The following GLDC variants were observed in gnomAD, a reference collection of about 807,000 sequenced individuals.
GLDC encodes glycine dehydrogenase (decarboxylating), mitochondrial.
In GLDC, 104 loss-of-function variants were observed where a neutral mutation model predicts 121.3. The ratio of observed to expected loss-of-function variants is 0.86; its 90% CI spans 0.73 to 1.01. The LOEUF is 1.01. GLDC is among the 50% of genes least tolerant of loss of function. The pLI, the probability that GLDC is intolerant of heterozygous loss-of-function variation, is 0.00. For synonymous variants in GLDC, 546 were observed against 480.6 expected (o/e 1.14, Z -1.78); for missense variants, 1,429 against 1,306.6 (o/e 1.09, Z -1.44).
intron 11 of GLDC, 57 bp downstream of exon 11, chr9:6,592,086 C>A (rs936469158): frequency 9.3e-7 from 1 of 1,074,640 alleles, no homozygotes; most frequent in Admixed American, 1.7e-5. Flanking sequence ...GGATAAGCTA[C>A]TTTTGCTACC....
At chr9:6,618,257 T>C (rs1819004864) in intron 3 of GLDC, among the ~76,000 whole-genome samples, 1 of 152,098 alleles carries the variant, frequency 6.6e-6, no homozygotes. Flanking sequence ...TCCAAAAAGA[T>C]GGGAAAAAAG....
chr9:6,584,931 A>G (rs1415815177), intron 15 of GLDC: 1 of 152,254 alleles, frequency 6.6e-6, no homozygotes, highest in Non-Finnish European at 1.5e-5. Context: ...TAGGACAAAG[A>G]AAGAACACCA....
In GLDC at chr9:6,613,005, T is replaced by G. The variant is rs997304232; in HGVS notation, c.471-2649A>C. Among the ~76,000 whole-genome samples, 14 of 152,180 alleles carry G rather than the reference T, an allele frequency of 9.2e-5. 1 individual carries two copies. Among genetic ancestry groups the G allele is most frequent in the African/African-American group, 3.4e-4 (14 of 41,444 alleles). On this transcript the variant is annotated intron_variant, in intron 3 of 24. Coordinates refer to ENST00000321612, the MANE Select transcript of GLDC (RefSeq NM_000170.3). ...CATAAAATACAAAACGTTCTCGTTTTTATAAGTTTGTAAAAACAAGTAGAT... is the reference window on the plus strand; with the variant it reads ...CATAAAATACAAAACGTTCTCGTTTGTATAAGTTTGTAAAAACAAGTAGAT...
chr9:6,630,864 C>A (rs116217696), intron 2 of GLDC, among the ~76,000 whole-genome samples: 1 of 152,176 alleles, frequency 6.6e-6, no homozygotes, highest in African/African-American at 2.4e-5. Flanking sequence ...TTCTCTCCCC[C>A]ATAGCCACCT....
intron 15 of GLDC, among the ~76,000 whole-genome samples, chr9:6,570,330 G>C (rs1319097343): frequency 1.3e-5 from 2 of 152,144 alleles, no homozygotes; most frequent in East Asian, 3.9e-4. Context: ...AAAAATTATA[G>C]TACCAAGAAA....
rs527288939 is a variant in GLDC, at chr9:6,630,545, T to G, written c.335-10226A>C. On this transcript the variant is annotated intron_variant, in intron 2 of 24. Coordinates refer to ENST00000321612, the MANE Select transcript of GLDC (RefSeq NM_000170.3). ...GGACTGAAAACCAACACACTCATAT[T>G]TGAATTTGCCCAATGTCACCAGTTT... Among the ~76,000 whole-genome samples the G allele has an allele frequency of 2.0e-5, 3 of 152,260 alleles. No individual in the cohort carries two copies. The South Asian group carries it at 6.2e-4, about 32-fold the overall frequency.
At chr9:6,573,501 TA>T (rs953869140) in intron 15 of GLDC, among the ~76,000 whole-genome samples, 3 of 150,184 alleles carry the variant, frequency 2.0e-5, no homozygotes, top group Admixed American at 6.7e-5. Context: ...TGTGATTTTT[TA>T]AAAAAAAATC....
chr9:6,613,963 G>T (rs192860360), intron 3 of GLDC, among the ~76,000 whole-genome samples: 3 of 152,108 alleles, frequency 2.0e-5, no homozygotes, highest in Non-Finnish European at 4.4e-5. Flanking sequence ...TTTTAGTTGA[G>T]ATAGGGTTTC....
intron 15 of GLDC, among the ~76,000 whole-genome samples, chr9:6,580,667 T>C (rs1243962967): frequency 6.6e-6 from 1 of 152,184 alleles, no homozygotes; most frequent in Non-Finnish European, 1.5e-5. Flanking sequence ...GGTTTTGCAA[T>C]AAATAAAGCC....
At chr9:6,637,511 G>A (rs141083030) in intron 2 of GLDC, among the ~76,000 whole-genome samples, 2,434 of 151,638 alleles carry the variant, frequency 0.016, 102 homozygotes, top group Admixed American at 0.068. Context: ...GTGCAGTGGC[G>A]CAATCACAGC....
At chr9:6,550,502 G>T (rs982814145) in intron 21 of GLDC, among the ~76,000 whole-genome samples, 1 of 151,986 alleles carries the variant, frequency 6.6e-6, no homozygotes, top group Non-Finnish European at 1.5e-5. Flanking sequence ...TGGTGCACAC[G>T]TGTAGTCCCA....
rs188725530 is a variant in GLDC at position 6,631,188 on chromosome 9, G to C, written c.335-10869C>G. Among the ~76,000 whole-genome samples, 5 of 152,314 alleles carry C rather than the reference G, an allele frequency of 3.3e-5. No individual in the cohort carries two copies. The East Asian group carries it at 9.6e-4, about 29-fold the overall frequency. Reference sequence around the variant, plus strand: ...AGGCTCTTCCCTGTCTTCTTGCTCAGCCAATTAATACCACGCCTCATTCAG... The same window carrying C: ...AGGCTCTTCCCTGTCTTCTTGCTCACCCAATTAATACCACGCCTCATTCAG... On this transcript the variant is annotated intron_variant, in intron 2 of 24. Transcript: ENST00000321612.
chr9:6,644,511 C>G (rs1259423400), intron 2 of GLDC, 103 bp downstream of exon 2: 1 of 791,366 alleles, frequency 1.3e-6, no homozygotes, highest in East Asian at 2.5e-5. Context: ...CACACATTCC[C>G]AGTCCTGAGC....
intron 5 of GLDC, among the ~76,000 whole-genome samples, chr9:6,606,309 C>CAAAAAAAAA (rs56758871): frequency 2.2e-5 from 2 of 90,052 alleles, no homozygotes; most frequent in Non-Finnish European, 4.7e-5. Flanking sequence ...GACTCCGTCT[C>CAAAAAAAAA]AAAAAAAAAA....
chr9:6,575,584 A>G (rs1818049724), intron 15 of GLDC, among the ~76,000 whole-genome samples: 1 of 152,184 alleles, frequency 6.6e-6, no homozygotes, highest in African/African-American at 2.4e-5. Context: ...ACCACAATTT[A>G]AGAATCTTCC....
intron 16 of GLDC, among the ~76,000 whole-genome samples, chr9:6,563,818 C>T (rs1416577811): frequency 3.9e-5 from 6 of 152,102 alleles, no homozygotes; most frequent in Admixed American, 2.0e-4. Context: ...TCACGAATGG[C>T]CTGTTTTTCA....
At chr9:6,537,030 AT>A (rs200094760) in intron 22 of GLDC, among the ~76,000 whole-genome samples, 30,405 of 139,706 alleles carry the variant, frequency 0.22, 3,126 homozygotes, top group Admixed American at 0.28. Context: ...TCTGTAAAGC[AT>A]TTTTTTTTTT....
chr9:6,556,409 C>T (rs1286909619), intron 17 of GLDC, 107 bp from the exon 18 acceptor site: 3 of 909,156 alleles, frequency 3.3e-6, no homozygotes, highest in Non-Finnish European at 5.5e-6. Flanking sequence ...AAGTCTCAGT[C>T]TTTACTTTCC....
intron 2 of GLDC, among the ~76,000 whole-genome samples, chr9:6,627,067 G>A (rs988774280): frequency 4.6e-5 from 7 of 151,962 alleles, no homozygotes; most frequent in African/African-American, 9.7e-5. Flanking sequence ...AGGCTGAGGC[G>A]GGTGGATCAC....
Sources: allele counts gnomAD v4.1 joint callset (sites outside exome capture counted in the v4.1 genomes callset), GRCh38; gene constraint gnomAD v4.1.1; transcripts MANE v1.5; gene names NCBI Gene and HGNC (gene_info 2026-07-23, HGNC 2026-07-21).